WASHC5: variants seen among roughly 807,000 people sequenced by gnomAD.
WASHC5 encodes WASH complex subunit 5.
Under a neutral mutation model 150.4 loss-of-function variants are expected in WASHC5, and 101 were observed. The observed-to-expected ratio is 0.67, with a 90% CI of 0.57 to 0.79. The LOEUF (loss-of-function observed/expected upper bound fraction) is 0.79, where lower values mean the gene tolerates loss of function less well. WASHC5 is among the 30% of genes least tolerant of loss of function. The pLI is 0.00. For synonymous variants in WASHC5, 467 were observed against 491.2 expected (o/e 0.95, Z 0.65); for missense variants, 1,195 against 1,396.3 (o/e 0.86, Z 2.30).
At chr8:125,027,590 T>G (rs1040285805) in intron 28 of WASHC5, among the ~76,000 whole-genome samples, 31 of 152,286 alleles carry the variant, frequency 2.0e-4, no homozygotes, top group Admixed American at 1.9e-3. Flanking sequence ...GGCATAAGAA[T>G]TATACAATGG....
intron 20 of WASHC5, among the ~76,000 whole-genome samples, chr8:125,046,819 C>T (rs545938231): frequency 1.3e-5 from 2 of 152,080 alleles, no homozygotes; most frequent in Non-Finnish European, 2.9e-5. Context: ...TTCTAAGGAG[C>T]GCACAACCTA....
chr8:125,058,380 C>T (rs1006814104), intron 14 of WASHC5, among the ~76,000 whole-genome samples: 10 of 151,674 alleles, frequency 6.6e-5, no homozygotes, highest in African/African-American at 2.4e-4. Context: ...AAACCCCATC[C>T]CCCTCACTCC....
chr8:125,044,459 TCAAACTGCCCACTAA>T (rs1815995457), intron 21 of WASHC5, 62 bp downstream of exon 21: 1 of 1,511,668 alleles, frequency 6.6e-7, no homozygotes, highest in Non-Finnish European at 9.2e-7. Flanking sequence ...TTAAGTGAGT[TCAAACTGCCCACTAA>T]AATATGTTCT....
intron 9 of WASHC5, among the ~76,000 whole-genome samples, 154 bp from the exon 10 acceptor site, chr8:125,067,873 T>G (rs1029829144): frequency 6.6e-6 from 1 of 152,256 alleles, no homozygotes; most frequent in African/African-American, 2.4e-5. Context: ...AGTACATCTA[T>G]GCCATGGAGT....
Position 125,059,368 on chromosome 8 carries a change from T to C in WASHC5, c.1688+8A>G, listed in dbSNP as rs1041373150. The stretch of plus-strand genomic sequence containing the variant: ...CATCTACAGCAAATGTCAGGCTGCC[T>C]ACATTACCTGTCAATCAACTGCCAA... On this transcript the variant is annotated splice_region_variant and intron_variant, in intron 13 of 28. Transcript: ENST00000318410. 1.2e-6 allele frequency: 2 copies of C among 1,614,122 alleles called. No homozygotes were observed. The highest frequency in any genetic ancestry group is 2.7e-5 in the African/African-American group (2 of 75,048).
chr8:125,029,564 G>A (rs1264533997), intron 27 of WASHC5, among the ~76,000 whole-genome samples: 1 of 152,174 alleles, frequency 6.6e-6, no homozygotes, highest in African/African-American at 2.4e-5. Flanking sequence ...TGCTTGGCAT[G>A]TACTGCATAT....
chr8:125,086,852 G>A (rs978492936), intron 1 of WASHC5, among the ~76,000 whole-genome samples: 15 of 152,194 alleles, frequency 9.9e-5, no homozygotes, highest in African/African-American at 3.6e-4. Context: ...TCCTGACACA[G>A]AAGAGAATGA....
At chr8:125,053,482 T>C (rs1402271508) in intron 17 of WASHC5, among the ~76,000 whole-genome samples, 1 of 152,168 alleles carries the variant, frequency 6.6e-6, no homozygotes, top group African/African-American at 2.4e-5. Flanking sequence ...AGTGGTCACT[T>C]TGCAGTCCTA....
chr8:125,024,900 C>T (rs912414685), intron 28 of WASHC5, among the ~76,000 whole-genome samples: 6 of 151,906 alleles, frequency 3.9e-5, no homozygotes, highest in Non-Finnish European at 7.4e-5. Flanking sequence ...ACAGCTCTCC[C>T]GCCTCCAAAT....
chr8:125,027,435 G>T (rs1815405736), intron 28 of WASHC5, among the ~76,000 whole-genome samples: 1 of 152,192 alleles, frequency 6.6e-6, no homozygotes, highest in Admixed American at 6.6e-5. Context: ...ATGCTACGCA[G>T]CCATAAAAAA....
chr8:125,028,729 A>G (rs757924065), intron 27 of WASHC5, 22 bp from the exon 28 acceptor site: 55 of 1,527,912 alleles, frequency 3.6e-5, no homozygotes, highest in Middle Eastern at 1.7e-4. Context: ...AACAGTTTAG[A>G]TCAATTAACT....
chr8:125,081,171 A>G (rs1418020444), intron 5 of WASHC5, among the ~76,000 whole-genome samples: 1 of 151,820 alleles, frequency 6.6e-6, no homozygotes, highest in Non-Finnish European at 1.5e-5. Context: ...TATATAATTT[A>G]TAATCATTAT....
Position 125,061,291 on chromosome 8 carries a change from A to G in WASHC5, c.1409-97T>C, listed in dbSNP as rs529350526. On this transcript the variant is annotated intron_variant, in intron 11 of 28. Coordinates refer to ENST00000318410, the MANE Select transcript of WASHC5 (RefSeq NM_014846.4). ...TAATCTTTTATAAATTCAGTTCTTC[A>G]GAGCTTTAACCGTGGGCCTAACACT... 5.3e-6 allele frequency: 4 copies of G among 752,000 alleles called. No homozygotes were observed. The East Asian group carries it at 1.1e-4, about 21-fold the overall frequency. The allele number at this position is 752,000 out of a possible 1,614,324, so 46.6% of individuals were successfully genotyped here.
chr8:125,050,913 T>A (rs1274937807), intron 17 of WASHC5, among the ~76,000 whole-genome samples: 1 of 152,236 alleles, frequency 6.6e-6, no homozygotes, highest in African/African-American at 2.4e-5. Flanking sequence ...ACAAGACATT[T>A]CAAAGACGGT....
chr8:125,045,595 T>G (rs1300850308), intron 20 of WASHC5, among the ~76,000 whole-genome samples: 2 of 152,098 alleles, frequency 1.3e-5, no homozygotes, highest in African/African-American at 4.8e-5. Flanking sequence ...AGATGACATA[T>G]CCTATTGTCC....
At chr8:125,048,394 C>A (rs1032684014) in intron 19 of WASHC5, among the ~76,000 whole-genome samples, 1 of 152,120 alleles carries the variant, frequency 6.6e-6, no homozygotes, top group Non-Finnish European at 1.5e-5. Flanking sequence ...AGGCAAAGGA[C>A]TTTTATGCAC....
In WASHC5 at chr8:125,037,332, A is replaced by ATC; in HGVS notation, c.3085-1_3085dup (p.Ile1029ArgfsTer4). 6.4e-7 allele frequency: 1 copy of ATC among 1,560,528 alleles called. No homozygotes were observed. Among genetic ancestry groups the ATC allele is most frequent in the Non-Finnish European group, 8.8e-7 (1 of 1,131,384 alleles). On this transcript the variant is annotated frameshift_variant and splice_region_variant, in exon 26 of 29. Coordinates refer to ENST00000318410, the MANE Select transcript of WASHC5 (RefSeq NM_014846.4). LOFTEE classifies it high-confidence loss of function. The stretch of plus-strand genomic sequence containing the variant: ...GGGTAAGCGCTTTGTTGTTATGTAT[A>ATC]TCTGGAAAGAGAAAGGTAAGAAAAA...
At chr8:125,080,431 G>A (rs964640793) in intron 5 of WASHC5, among the ~76,000 whole-genome samples, 3 of 152,216 alleles carry the variant, frequency 2.0e-5, no homozygotes, top group Non-Finnish European at 4.4e-5. Flanking sequence ...CCCTTCAGCT[G>A]AAAGGAAAAG....
intron 27 of WASHC5, among the ~76,000 whole-genome samples, chr8:125,029,296 G>C (rs1815461611): frequency 6.6e-6 from 1 of 152,204 alleles, no homozygotes; most frequent in Non-Finnish European, 1.5e-5. Flanking sequence ...GCCTCCCAAA[G>C]TGTTGGGATT....
Sources: gnomAD v4.1 joint callset for allele counts (sites outside exome capture counted in the v4.1 genomes callset) on GRCh38, gnomAD v4.1.1 for gene constraint, MANE v1.5 for transcripts, NCBI Gene and HGNC (gene_info 2026-07-23, HGNC 2026-07-21) for gene names.